Variants in LARS2 observed in about 807,000 individuals in gnomAD.
The protein encoded by LARS2 is leucyl-tRNA synthetase 2, mitochondrial.
A neutral mutation model predicts 116.6 loss-of-function variants in LARS2; 81 were observed. That is an observed-to-expected ratio of 0.69 (90% CI 0.58 to 0.84). The LOEUF (loss-of-function observed/expected upper bound fraction) is 0.84. Ranked by LOEUF, LARS2 falls within the 40% of genes least tolerant of loss-of-function variation. The pLI is 0.00. For synonymous variants in LARS2, 396 were observed against 407.2 expected (o/e 0.97, Z 0.33); for missense variants, 968 against 1,114.5 (o/e 0.87, Z 1.87).
At chr3:45,427,551 G>A (rs73070325) in intron 6 of LARS2, among the ~76,000 whole-genome samples, 397 of 152,252 alleles carry the variant, frequency 2.6e-3, no homozygotes, top group Middle Eastern at 0.01. Flanking sequence ...GGAAAAACTA[G>A]GTAATGTTTT....
At chr3:45,480,321 G>A (rs1428145808) in intron 10 of LARS2, among the ~76,000 whole-genome samples, 1 of 152,212 alleles carries the variant, frequency 6.6e-6, no homozygotes, top group Non-Finnish European at 1.5e-5. Context: ...TGACCACGGA[G>A]CCCTGTTTCC....
At chr3:45,519,953 C>T (rs1038356372) in intron 18 of LARS2, among the ~76,000 whole-genome samples, 1 of 152,102 alleles carries the variant, frequency 6.6e-6, no homozygotes, top group African/African-American at 2.4e-5. Context: ...CAGCCACTAG[C>T]ACTGTTTTTC....
intron 15 of LARS2, among the ~76,000 whole-genome samples, chr3:45,502,220 G>A (rs922246173): frequency 6.6e-6 from 1 of 151,842 alleles, no homozygotes; most frequent in African/African-American, 2.4e-5. Flanking sequence ...TGTATCCTAT[G>A]CTTTTATTTT....
intron 8 of LARS2, among the ~76,000 whole-genome samples, chr3:45,463,814 C>T (rs1699375787): frequency 1.3e-5 from 2 of 152,056 alleles, no homozygotes; most frequent in African/African-American, 4.8e-5. Flanking sequence ...TGAGCTGTCA[C>T]ATCTCCTGCA....
At chr3:45,524,656 G>A (rs1381618404) in intron 20 of LARS2, among the ~76,000 whole-genome samples, 1 of 152,168 alleles carries the variant, frequency 6.6e-6, no homozygotes, top group Non-Finnish European at 1.5e-5. Context: ...AGCATATAGG[G>A]AGGGGCAAAG....
At chr3:45,478,271 A>G (rs1699647284) in intron 10 of LARS2, among the ~76,000 whole-genome samples, 1 of 152,230 alleles carries the variant, frequency 6.6e-6, no homozygotes, top group Admixed American at 6.5e-5. Flanking sequence ...TCTCATGAGC[A>G]ATTTGATATT....
intron 4 of LARS2, among the ~76,000 whole-genome samples, chr3:45,403,130 A>AAAAAAAAAAAAT (rs1456792064): frequency 6.7e-6 from 1 of 150,300 alleles, no homozygotes; most frequent in Non-Finnish European, 1.5e-5. Flanking sequence ...AAAAAAAAAA[A>AAAAAAAAAAAAT]AGAAAGATGT....
intron 21 of LARS2, among the ~76,000 whole-genome samples, chr3:45,543,479 T>G (rs1431104092): frequency 6.6e-6 from 1 of 151,064 alleles, no homozygotes; most frequent in Non-Finnish European, 1.5e-5. Flanking sequence ...TTATTTTTTT[T>G]TTTGGTGAGA....
intron 6 of LARS2, among the ~76,000 whole-genome samples, chr3:45,424,183 T>C (rs1259254455): frequency 6.6e-6 from 1 of 152,214 alleles, no homozygotes; most frequent in Non-Finnish European, 1.5e-5. Flanking sequence ...TAGGTTCTCC[T>C]TAACTTACAG....
chr3:45,540,788 C>CT (rs1260231949), intron 20 of LARS2, among the ~76,000 whole-genome samples: 5 of 151,538 alleles, frequency 3.3e-5, no homozygotes, highest in Non-Finnish European at 7.4e-5. Flanking sequence ...ATCTATCTAT[C>CT]TATCTATCTA....
At position 45,430,029 on chromosome 3, in the gene LARS2, T is replaced by TTTTTTTTTTTTTTTG. The variant is rs1553629354; in HGVS notation, c.516+10300_516+10301insTTTTTTTTTTTTTTG. On this transcript the variant is annotated intron_variant, in intron 6 of 21. Transcript: ENST00000645846. Reference sequence around the variant, plus strand: ...TTTTTTTTTTTTTTTTTTTTTTTTTTGAGACAGAGTCTTGCTCTGTCGCCC... The same window carrying TTTTTTTTTTTTTTTG: ...TTTTTTTTTTTTTTTTTTTTTTTTTTTTTTTTTTTTTTTTGGAGACAGAGTCTTGCTCTGTCGCCC... Among the ~76,000 whole-genome samples the TTTTTTTTTTTTTTTG allele has an allele frequency of 3.9e-4, 54 of 138,846 alleles. 5 individuals are homozygous for TTTTTTTTTTTTTTTG. Among genetic ancestry groups the TTTTTTTTTTTTTTTG allele is most frequent in the African/African-American group, 1.4e-3 (50 of 35,250 alleles). The allele number at this position is 138,846 out of a possible 152,430, so 91.1% of individuals were successfully genotyped here.
At chr3:45,444,881 T>C (rs146248970) in intron 6 of LARS2, among the ~76,000 whole-genome samples, 99 of 151,880 alleles carry the variant, frequency 6.5e-4, no homozygotes, top group Non-Finnish European at 1.3e-3. Context: ...AACAACTCAA[T>C]AGAAAAATTG....
At chr3:45,420,675 G>A (rs1422043175) in intron 6 of LARS2, among the ~76,000 whole-genome samples, 1 of 152,060 alleles carries the variant, frequency 6.6e-6, no homozygotes, top group Non-Finnish European at 1.5e-5. Flanking sequence ...GTGCCAATAG[G>A]GAATCGCTCA....
At chr3:45,474,485 G>T (rs1184636338) in intron 9 of LARS2, 135 bp downstream of exon 9, 2 of 439,912 alleles carry the variant, frequency 4.5e-6, no homozygotes, top group Non-Finnish European at 8.1e-6. Context: ...TTTTCTAGTA[G>T]CCACATTTTT....
chr3:45,430,525 C>T (rs529229430), intron 6 of LARS2, among the ~76,000 whole-genome samples: 94 of 150,020 alleles, frequency 6.3e-4, no homozygotes, highest in Non-Finnish European at 1.2e-3. Context: ...CGTGATCTGC[C>T]CGCCTCGGCC....
chr3:45,439,210 C>CTTTTTTTTTT lies in LARS2; in HGVS notation c.517-7661_517-7652dup, dbSNP rs575140221. Among the ~76,000 whole-genome samples, 9 of 62,458 alleles carry CTTTTTTTTTT rather than the reference C, an allele frequency of 1.4e-4. 1 individual carries two copies. The highest frequency in any genetic ancestry group is 5.9e-4 in the African/African-American group (9 of 15,276). The allele number at this position is 62,458 out of a possible 152,430, so 41.0% of individuals were successfully genotyped here. On this transcript the variant is annotated intron_variant, in intron 6 of 21. Transcript: ENST00000645846. Reference sequence around the variant, plus strand: ...AGAAATGAGCTGTCAGAAACTCTGGCTTTTTTTTTTTTTTTTTTTTTTTTT... The same window carrying CTTTTTTTTTT: ...AGAAATGAGCTGTCAGAAACTCTGGCTTTTTTTTTTTTTTTTTTTTTTTTTTTTTTTTTTT...
intron 8 of LARS2, among the ~76,000 whole-genome samples, chr3:45,463,879 C>T (rs529991889): frequency 6.6e-6 from 1 of 152,140 alleles, no homozygotes; most frequent in South Asian, 2.1e-4. Context: ...CCCAGCGGTC[C>T]AAGGAGGTAT....
intron 8 of LARS2, among the ~76,000 whole-genome samples, chr3:45,467,416 A>G (rs1456714089): frequency 6.6e-6 from 1 of 152,252 alleles, no homozygotes; most frequent in Non-Finnish European, 1.5e-5. Flanking sequence ...CTCAAAATAG[A>G]GACAGTAGAG....
intron 21 of LARS2, among the ~76,000 whole-genome samples, chr3:45,544,205 C>T (rs1221851210): frequency 6.6e-6 from 1 of 152,230 alleles, no homozygotes; most frequent in African/African-American, 2.4e-5. Flanking sequence ...CTGGGCTCTG[C>T]CCACACCAGG....
Sources: gnomAD v4.1 joint callset for allele counts (sites outside exome capture counted in the v4.1 genomes callset) on GRCh38, gnomAD v4.1.1 for gene constraint, MANE v1.5 for transcripts, NCBI Gene and HGNC (gene_info 2026-07-23, HGNC 2026-07-21) for gene names.